Variants in PWWP2A observed in about 807,000 individuals in gnomAD.
PWWP2A encodes the protein PWWP domain containing 2A, also known as PWWP domain-containing protein 2A.
A neutral mutation model predicts 48.5 loss-of-function variants in PWWP2A; 18 were observed. The ratio of observed to expected loss-of-function variants is 0.37; its 90% confidence interval spans 0.26 to 0.55. PWWP2A has a LOEUF of 0.55. Ranked by LOEUF, PWWP2A falls within the 20% of genes least tolerant of loss-of-function variation. The pLI, the probability that PWWP2A is intolerant of heterozygous loss-of-function variation, is 0.81. For synonymous variants in PWWP2A, 396 were observed against 387.7 expected, an observed-to-expected ratio of 1.02 and a Z score of -0.25; for missense variants, 867 against 976.4, an observed-to-expected ratio of 0.89 and a Z score of 1.49.
the PWWP2A span, among the ~76,000 whole-genome samples, chr5:160,049,043 A>G: frequency 2.6e-5 from 4 of 152,224 alleles, no homozygotes; most frequent in South Asian, 2.1e-4. Context: ...GGCAAAAACC[A>G]GGACTTGGAG....
Position 160,095,047 on chromosome 5 carries a change from CAAAAAAAAAAAAAAAA to C in PWWP2A, c.585-998_585-983del, listed in dbSNP as rs70987998. ...TGGGCAACAGAGCAAGACTCTGTCT[CAAAAAAAAAAAAAAAA>C]AAAAAAAAAAAAAAGACTACTTATG... On this transcript the variant is annotated intron_variant, in intron 1 of 1. Transcript: ENST00000307063. Among the ~76,000 whole-genome samples, 54 of 30,884 alleles carry C rather than the reference CAAAAAAAAAAAAAAAA, an allele frequency of 1.7e-3. No individual in the cohort carries two copies. The South Asian group carries it at 0.049, about 28-fold the overall frequency. 20.3% of individuals were successfully genotyped at this position (30,884 alleles called of 152,430 possible).
chr5:160,106,896 C>A (rs1696945286), intron 1 of PWWP2A, among the ~76,000 whole-genome samples: 1 of 147,560 alleles, frequency 6.8e-6, no homozygotes, highest in South Asian at 2.1e-4. Flanking sequence ...GAGATCTCAG[C>A]TCACGCAACC....
Position 160,078,903 on chromosome 5 carries a change from GC to G in PWWP2A, c.1670-736del, listed in dbSNP as rs1754036394. Among the ~76,000 whole-genome samples the G allele has an allele frequency of 6.6e-6, 1 of 152,060 alleles. No individual in the cohort carries two copies. The highest frequency in any genetic ancestry group is 6.6e-5 in the Admixed American group (1 of 15,258). On this transcript the variant is annotated intron_variant, in intron 3 of 3. Transcript: ENST00000456329. The surrounding 1 kb of genome is among the most constrained non-coding windows in gnomAD (Gnocchi z 4.2). ...ACTCCAAGCGCACTGTTTATAAAGG[GC>G]AAGGCTTATACAAATTACTGCTAAA...
chr5:160,051,292 A>G, the PWWP2A span: 1 of 829,344 alleles, frequency 1.2e-6, no homozygotes, highest in South Asian at 2.5e-5. Flanking sequence ...GGACTCTACC[A>G]CAAGGCTACT....
chr5:160,116,766 A>T (rs1018449019), intron 1 of PWWP2A: 1 of 985,308 alleles, frequency 1.0e-6, no homozygotes, highest in Non-Finnish European at 1.2e-6. Flanking sequence ...TTCATTCAAC[A>T]GCATACACAC....
chr5:160,045,242 G>C, the PWWP2A span, among the ~76,000 whole-genome samples: 43 of 152,094 alleles, frequency 2.8e-4, no homozygotes, highest in Non-Finnish European at 5.1e-4. Flanking sequence ...GCTGCAGCCC[G>C]AAGTGTAGGA....
chr5:160,108,769 C>T (rs1045736635), intron 1 of PWWP2A, among the ~76,000 whole-genome samples: 1 of 152,208 alleles, frequency 6.6e-6, no homozygotes, highest in Non-Finnish European at 1.5e-5. Flanking sequence ...TACACACACA[C>T]AGTATTTGTA....
At chr5:160,110,712 G>GAAATA (rs1757471873) in intron 1 of PWWP2A, among the ~76,000 whole-genome samples, 2 of 151,060 alleles carry the variant, frequency 1.3e-5, no homozygotes, top group Non-Finnish European at 2.9e-5. Flanking sequence ...ACCTCAAAAT[G>GAAATA]AAATAAAATA....
At chr5:160,049,190 T>G in the PWWP2A span, among the ~76,000 whole-genome samples, 2 of 152,348 alleles carry the variant, frequency 1.3e-5, no homozygotes, top group Admixed American at 6.5e-5. Context: ...AATGTGAAAA[T>G]TATGTGAACT....
intron 2 of PWWP2A, chr5:160,080,839 A>G: frequency 7.1e-7 from 1 of 1,414,736 alleles, no homozygotes; most frequent in Non-Finnish European, 9.5e-7. Flanking sequence ...ATTTTACCAA[A>G]AAAATAGTTT....
chr5:160,099,437 A>G (rs1756023885), intron 1 of PWWP2A, among the ~76,000 whole-genome samples: 1 of 152,166 alleles, frequency 6.6e-6, no homozygotes, highest in Non-Finnish European at 1.5e-5. Flanking sequence ...ACTGTCTGCA[A>G]ATCTGCAATT....
At chr5:160,073,423 T>G (rs1360325980), downstream of PWWP2A, among the ~76,000 whole-genome samples, 2 of 151,772 alleles carry the variant, frequency 1.3e-5, no homozygotes, top group Admixed American at 6.6e-5. Context: ...GAGACAGAGT[T>G]TCACCGTGTT....
chr5:160,114,351 G>A (rs1156422001), intron 1 of PWWP2A, among the ~76,000 whole-genome samples: 3 of 151,798 alleles, frequency 2.0e-5, no homozygotes, highest in Non-Finnish European at 4.4e-5. Context: ...GGCCAACATG[G>A]CGAAACTCCG....
downstream of PWWP2A, chr5:160,090,174 T>G (rs188559495): frequency 8.7e-5 from 86 of 985,318 alleles, no homozygotes; most frequent in African/African-American, 1.4e-3. Context: ...AATCATGTTT[T>G]TTTTTTCTTC....
chr5:160,046,562 A>T, the PWWP2A span, among the ~76,000 whole-genome samples: 1 of 152,156 alleles, frequency 6.6e-6, no homozygotes, highest in Admixed American at 6.5e-5. Context: ...TCTATAAATT[A>T]GCACAATGTA....
At chr5:160,106,248 G>C (rs925294663) in intron 1 of PWWP2A, among the ~76,000 whole-genome samples, 14 of 152,126 alleles carry the variant, frequency 9.2e-5, no homozygotes, top group Non-Finnish European at 4.4e-5. Flanking sequence ...ATTCAAAAAG[G>C]CATCTTGAAT....
In PWWP2A at chr5:160,119,431, C is replaced by T. The variant is rs1438702520; in HGVS notation, c.-43G>A. Reference sequence around the variant, plus strand: ...CCTCCTCCAACTCCGGCTGCAGCGGCGGCGGCGACAGCGCTGCTTGGTTCC... The same window carrying T: ...CCTCCTCCAACTCCGGCTGCAGCGGTGGCGGCGACAGCGCTGCTTGGTTCC... On this transcript the variant is annotated 5_prime_UTR_variant, in exon 1 of 2. Transcript: ENST00000307063. The T allele has an allele frequency of 3.0e-6, 4 of 1,352,340 alleles. No homozygotes were observed. The highest frequency in any genetic ancestry group is 1.8e-5 in the South Asian group (1 of 54,460). The allele number at this position is 1,352,340 out of a possible 1,614,324, so 83.8% of individuals were successfully genotyped here.
At chr5:160,112,172 G>GA (rs1274899840) in intron 1 of PWWP2A, among the ~76,000 whole-genome samples, 1 of 130,016 alleles carries the variant, frequency 7.7e-6, no homozygotes, top group Non-Finnish European at 1.7e-5. Flanking sequence ...GAAAAAAAAA[G>GA]AAAGAAAAAA....
At chr5:160,055,473 C>T in the PWWP2A span, among the ~76,000 whole-genome samples, 2 of 152,216 alleles carry the variant, frequency 1.3e-5, no homozygotes, top group African/African-American at 4.8e-5. Context: ...CATCAAGATT[C>T]TAATCACCAG....
Sources: gnomAD v4.1 joint callset for allele counts (sites outside exome capture counted in the v4.1 genomes callset) on GRCh38, gnomAD v4.1.1 for gene constraint, Gnocchi (gnomAD v3.1) non-coding constraint, MANE v1.5 for transcripts, NCBI Gene and HGNC (gene_info 2026-07-23, HGNC 2026-07-21) for gene names.